TMEM255A: variants seen among roughly 807,000 people sequenced by gnomAD.
The protein encoded by TMEM255A is transmembrane protein 255A.
TMEM255A carries 14 observed loss-of-function variants against 23.5 expected under a neutral mutation model. The observed-to-expected ratio is 0.60, with a 90% CI of 0.39 to 0.93. The LOEUF is 0.93. Among genes scored for constraint, TMEM255A ranks in the 40% least tolerant of loss-of-function variants. TMEM255A has a pLI of 0.00. For missense variants in TMEM255A, 233 were observed against 261.7 expected (o/e 0.89, Z 0.76); for synonymous variants, 104 against 100.3 (o/e 1.04, Z -0.22).
At chrX:120,302,130 C>T (rs1259436488) in intron 2 of TMEM255A, among the ~76,000 whole-genome samples, 5 of 111,237 alleles carry the variant, frequency 4.5e-5, no homozygotes, top group African/African-American at 9.8e-5. Context: ...ACCACTCACA[C>T]GCAAACACAC....
chrX:120,286,193 G>A (rs1556021804), intron 5 of TMEM255A, among the ~76,000 whole-genome samples: 1 of 112,152 alleles, frequency 8.9e-6, no homozygotes. Flanking sequence ...TTTGGAGCAG[G>A]ACTGCTTTGC....
intron 8 of TMEM255A, among the ~76,000 whole-genome samples, chrX:120,266,717 T>C (rs1369458843): frequency 8.9e-6 from 1 of 112,743 alleles, no homozygotes. Context: ...AGGATGACTT[T>C]TTATTATAGG....
Position 120,293,997 on chromosome X carries a change from T to C in TMEM255A, c.256A>G (p.Arg86Gly). 5 of 1,187,581 alleles carry C rather than the reference T, an allele frequency of 4.2e-6. No homozygotes were observed. The highest frequency in any genetic ancestry group is 5.7e-6 in the Non-Finnish European group (5 of 878,619). ...IIGSNLIENKRQMLVASIVFI... is the reference protein window; with the variant it reads ...IIGSNLIENKGQMLVASIVFI... ...AAGGGATGAAAACTTACCATCTGCC[T>C]TTTGTTCTCAATAAGGTTTGATCCA... Residue 86 changes from arginine (R) to glycine (G), a missense_variant, in exon 3 of 9, where the codon AGG (arginine) becomes GGG (glycine). Arg to Gly is a moderately radical substitution (Grantham distance 125). Coordinates refer to ENST00000371369, the MANE Select transcript of TMEM255A (RefSeq NM_001104544.3).
intron 2 of TMEM255A, among the ~76,000 whole-genome samples, chrX:120,297,098 T>TAATATAATATA (rs2057998150): frequency 8.2e-5 from 2 of 24,354 alleles, no homozygotes; most frequent in Non-Finnish European, 1.1e-4. Context: ...ATATATATAA[T>TAATATAATATA]ATTATATATA....
At chrX:120,275,700 A>C (rs1331729886) in intron 7 of TMEM255A, among the ~76,000 whole-genome samples, 2 of 100,637 alleles carry the variant, frequency 2.0e-5, no homozygotes, top group Non-Finnish European at 4.0e-5. Context: ...AAAAAAAAAA[A>C]CCAAAAAACC....
chrX:120,261,481 A>G (rs2057679818), intron 8 of TMEM255A, among the ~76,000 whole-genome samples: 1 of 112,357 alleles, frequency 8.9e-6, no homozygotes, highest in Non-Finnish European at 1.9e-5. Context: ...AGTATATCAC[A>G]GAGAGGTAGT....
intron 1 of TMEM255A, among the ~76,000 whole-genome samples, chrX:120,308,940 T>C (rs1402291274): frequency 8.9e-6 from 1 of 112,924 alleles, no homozygotes; most frequent in African/African-American, 3.2e-5. Flanking sequence ...TTGTTTTGGT[T>C]GCGGTTGTGT....
At chrX:120,285,023 C>T (rs2057863485) in intron 6 of TMEM255A, 104 bp downstream of exon 6, 2 of 726,643 alleles carry the variant, frequency 2.8e-6, no homozygotes, top group East Asian at 6.4e-5. Flanking sequence ...AGATCAATGT[C>T]TTCCACTTCC....
chrX:120,293,303 G>C (rs1251950075), intron 3 of TMEM255A, among the ~76,000 whole-genome samples: 8 of 112,676 alleles, frequency 7.1e-5, no homozygotes, highest in Non-Finnish European at 3.8e-5. Flanking sequence ...CTTTACCCTT[G>C]AGGGAGCCTT....
intron 2 of TMEM255A, among the ~76,000 whole-genome samples, chrX:120,297,835 C>A (rs1444682058): frequency 9.0e-6 from 1 of 110,985 alleles, no homozygotes; most frequent in Non-Finnish European, 1.9e-5. Flanking sequence ...AGAAGAAGTT[C>A]TCTGCAAGGA....
chrX:120,284,534 A>ACG (rs1241698670), intron 6 of TMEM255A, among the ~76,000 whole-genome samples: 4 of 102,067 alleles, frequency 3.9e-5, no homozygotes, highest in African/African-American at 1.7e-4. Flanking sequence ...GTGCACGTGC[A>ACG]CGCACACACA....
At chrX:120,299,948 A>G (rs1319855637) in intron 2 of TMEM255A, among the ~76,000 whole-genome samples, 1 of 111,944 alleles carries the variant, frequency 8.9e-6, no homozygotes, top group African/African-American at 3.3e-5. Context: ...GTAACTCTGA[A>G]ATGATTTTCA....
intron 6 of TMEM255A, among the ~76,000 whole-genome samples, chrX:120,283,662 C>G (rs1262043859): frequency 3.6e-5 from 4 of 111,901 alleles, no homozygotes; most frequent in Admixed American, 9.5e-5. Context: ...ACTCACTGTG[C>G]ACATCACCTA....
At chrX:120,275,866 T>A (rs1439512681) in intron 7 of TMEM255A, among the ~76,000 whole-genome samples, 1 of 101,297 alleles carries the variant, frequency 9.9e-6, no homozygotes, top group African/African-American at 3.6e-5. Context: ...AATCATGGCT[T>A]ACTGCAACCT....
At chrX:120,277,213 A>G (rs2057805478) in intron 6 of TMEM255A, among the ~76,000 whole-genome samples, 166 bp from the exon 7 acceptor site, 1 of 111,704 alleles carries the variant, frequency 9.0e-6, no homozygotes, top group Non-Finnish European at 1.9e-5. Context: ...ATAATAAATC[A>G]AAGTGTGATT....
rs782299161 is a variant in TMEM255A, at chrX:120,273,842, A to G, written c.675+3043T>C. Reference sequence around the variant, plus strand: ...TAAAATGACACAGCTGCTGTGGAAAACAGTTTGGCAGCTCCTCAAAAAGTT... The same window carrying G: ...TAAAATGACACAGCTGCTGTGGAAAGCAGTTTGGCAGCTCCTCAAAAAGTT... On this transcript the variant is annotated intron_variant, in intron 7 of 8. Coordinates refer to ENST00000371369, the MANE Select transcript of TMEM255A (RefSeq NM_001104544.3). Among the ~76,000 whole-genome samples, 3 of 112,192 alleles carry G rather than the reference A, an allele frequency of 2.7e-5. No homozygotes were observed. The South Asian group carries it at 1.1e-3, about 42-fold the overall frequency.
chrX:120,253,267 C>T, the TMEM255A span: 2 of 569,714 alleles, frequency 3.5e-6, no homozygotes, highest in Non-Finnish European at 5.2e-6. Flanking sequence ...CCTGTATGAA[C>T]AATTTCTGTA....
At chrX:120,255,771 A>T (rs1258522588), downstream of TMEM255A, 1 of 181,496 alleles carries the variant, frequency 5.5e-6, no homozygotes, top group Non-Finnish European at 1.1e-5. Context: ...ATACCCTAGT[A>T]CATCTTACAG....
At chrX:120,285,541 C>T in intron 5 of TMEM255A, 1 of 1,161,203 alleles carries the variant, frequency 8.6e-7, no homozygotes, top group Non-Finnish European at 1.2e-6. Context: ...TGAGGGCAGG[C>T]AAAATCAGGG....
Sources: gnomAD v4.1 joint callset for allele counts (sites outside exome capture counted in the v4.1 genomes callset) on GRCh38, gnomAD v4.1.1 for gene constraint, MANE v1.5 for transcripts, NCBI Gene and HGNC (gene_info 2026-07-23, HGNC 2026-07-21) for gene names.